The following WNT2B variants were observed in gnomAD, a reference collection of about 807,000 sequenced individuals.
WNT2B encodes protein Wnt-2b.
WNT2B carries 19 observed loss-of-function variants against 40.5 expected under a neutral mutation model. The observed-to-expected ratio is 0.47, with a 90% CI of 0.33 to 0.69. WNT2B has a LOEUF of 0.69. Among genes scored for constraint, WNT2B ranks in the 30% least tolerant of loss-of-function variants. The probability of loss-of-function intolerance (pLI) is 0.02; values close to 1 mark genes in which losing one functional copy is unlikely to be tolerated. For missense variants in WNT2B, 467 were observed against 556.4 expected (o/e 0.84, Z 1.62); for synonymous variants, 220 against 211.9 (o/e 1.04, Z -0.33).
chr1:112,467,272 G>A, exon 1 of WNT2B: 1 of 480,294 alleles, frequency 2.1e-6, no homozygotes, highest in Non-Finnish European at 3.7e-6. Flanking sequence ...ACAGGAAAGG[G>A]CATGGTCTGC....
chr1:112,481,831 G>A (rs1309298320), intron 1 of WNT2B, among the ~76,000 whole-genome samples: 2 of 151,524 alleles, frequency 1.3e-5, no homozygotes, highest in Non-Finnish European at 2.9e-5. Context: ...GCAACATAAG[G>A]AGACCCCCAT....
intron 1 of WNT2B, among the ~76,000 whole-genome samples, chr1:112,476,550 A>G (rs1651059062): frequency 6.6e-6 from 1 of 152,194 alleles, no homozygotes; most frequent in Non-Finnish European, 1.5e-5. Context: ...TAAAAAATAC[A>G]GAAAGTATCC....
At chr1:112,474,076 A>AG (rs1439887856) in intron 1 of WNT2B, among the ~76,000 whole-genome samples, 6 of 151,332 alleles carry the variant, frequency 4.0e-5, no homozygotes, top group African/African-American at 1.5e-4. Flanking sequence ...AAAAAAAAAA[A>AG]AAAAAAGAAA....
chr1:112,490,866 G>T, intron 1 of WNT2B: 1 of 721,800 alleles, frequency 1.4e-6, no homozygotes. Context: ...TCAAGGTCTA[G>T]GCCAAAATTT....
intron 1 of WNT2B, among the ~76,000 whole-genome samples, chr1:112,514,031 ACT>A (rs1652442354): frequency 6.6e-6 from 1 of 152,014 alleles, no homozygotes; most frequent in Non-Finnish European, 1.5e-5. Flanking sequence ...AACAATAATG[ACT>A]CTGGCAACCC....
intron 1 of WNT2B, among the ~76,000 whole-genome samples, chr1:112,510,379 C>G (rs1339070018): frequency 6.6e-6 from 1 of 152,212 alleles, no homozygotes. Context: ...CTAGAAAAGA[C>G]TCAGTCTTTC....
At chr1:112,467,099 G>A (rs1212065517) in exon 1 of WNT2B, 1 of 161,664 alleles carries the variant, frequency 6.2e-6, no homozygotes, top group East Asian at 1.8e-4. Flanking sequence ...CACTTGTCTT[G>A]GTCTTGAAGG....
chr1:112,487,869 G>C (rs1442764399), intron 1 of WNT2B, among the ~76,000 whole-genome samples: 2 of 146,566 alleles, frequency 1.4e-5, no homozygotes, highest in Non-Finnish European at 3.0e-5. Context: ...AGGAGACAGA[G>C]GTTGCAATGA....
chr1:112,511,890 T>A (rs932525878), intron 1 of WNT2B, among the ~76,000 whole-genome samples: 5 of 152,252 alleles, frequency 3.3e-5, no homozygotes, highest in African/African-American at 1.2e-4. Context: ...ATGAGCATGA[T>A]CTTTGTCAAT....
Position 112,517,127 on chromosome 1 carries a change from C to A in WNT2B, c.688C>A (p.Arg230=). ...TGCCTTCCCCCTCCCCCAGGCTGTGCGGCGGTTTCTGAAGCTGGAGTGTAA... is the reference window on the plus strand; with the variant it reads ...TGCCTTCCCCCTCCCCCAGGCTGTGAGGCGGTTTCTGAAGCTGGAGTGTAA... ...HNNRCGRTAV[R]RFLKLECKCH... Residue 230 remains arginine (R), a synonymous_variant, in exon 4 of 5, where the codon CGG becomes AGG. Transcript: ENST00000369684. 1 of 1,610,690 alleles carries A rather than the reference C, an allele frequency of 6.2e-7. No homozygotes were observed. The highest frequency in any genetic ancestry group is 8.5e-7 in the Non-Finnish European group (1 of 1,177,348).
chr1:112,479,474 T>A (rs1268163248), intron 1 of WNT2B, among the ~76,000 whole-genome samples: 4 of 151,482 alleles, frequency 2.6e-5, no homozygotes, highest in Non-Finnish European at 5.9e-5. Context: ...CTTGGGAGGC[T>A]GAGGCAGGAG....
chr1:112,519,056 A>C (rs1652715983), intron 4 of WNT2B, among the ~76,000 whole-genome samples: 4 of 152,198 alleles, frequency 2.6e-5, no homozygotes, highest in Non-Finnish European at 4.4e-5. Context: ...ACAGCTCCAC[A>C]GTGTAGAAGG....
At chr1:112,486,966 T>C (rs907471152) in intron 1 of WNT2B, among the ~76,000 whole-genome samples, 3 of 152,216 alleles carry the variant, frequency 2.0e-5, no homozygotes, top group Admixed American at 6.5e-5. Flanking sequence ...ATCCCATGCC[T>C]AGGTATTTAC....
At chr1:112,519,147 C>T (rs572485012) in intron 4 of WNT2B, among the ~76,000 whole-genome samples, 1 of 152,300 alleles carries the variant, frequency 6.6e-6, no homozygotes, top group South Asian at 2.1e-4. Context: ...AGTCAGTCCA[C>T]ATTCCAGACC....
At chr1:112,507,326 G>C (rs1557917952), upstream of WNT2B, among the ~76,000 whole-genome samples, 3 of 152,212 alleles carry the variant, frequency 2.0e-5, no homozygotes, top group African/African-American at 4.8e-5. Flanking sequence ...GGCATAGACT[G>C]TTCACCAATG....
intron 1 of WNT2B, among the ~76,000 whole-genome samples, chr1:112,495,103 T>C (rs1651720383): frequency 6.6e-6 from 1 of 151,342 alleles, no homozygotes; most frequent in Non-Finnish European, 1.5e-5. Flanking sequence ...TAAATGTCTA[T>C]TCTGACCACT....
intron 1 of WNT2B, among the ~76,000 whole-genome samples, chr1:112,483,987 A>G (rs1249496862): frequency 2.0e-5 from 3 of 150,512 alleles, no homozygotes; most frequent in African/African-American, 4.9e-5. Flanking sequence ...AAAGCCAGGT[A>G]TGGTGGCTTG....
At chr1:112,499,848 A>G (rs1651892240) in intron 1 of WNT2B, among the ~76,000 whole-genome samples, 1 of 152,208 alleles carries the variant, frequency 6.6e-6, no homozygotes, top group Admixed American at 6.5e-5. Flanking sequence ...TAGGAGTTGT[A>G]ACACTTCTCA....
At chr1:112,505,787 C>T (rs1181510837), upstream of WNT2B, among the ~76,000 whole-genome samples, 1 of 152,220 alleles carries the variant, frequency 6.6e-6, no homozygotes. Flanking sequence ...CCTGGGATTC[C>T]TCCCGGGGAA....
Sources: allele counts gnomAD v4.1 joint callset (sites outside exome capture counted in the v4.1 genomes callset), GRCh38; gene constraint gnomAD v4.1.1; transcripts MANE v1.5; gene names NCBI Gene and HGNC (gene_info 2026-07-23, HGNC 2026-07-21).